Variants in EXPH5 observed in about 807,000 individuals in gnomAD.
EXPH5 encodes the protein exophilin 5, also known as exophilin-5.
A neutral mutation model predicts 41.1 loss-of-function variants in EXPH5; 42 were observed. The ratio of observed to expected loss-of-function variants is 1.02; its 90% CI spans 0.80 to 1.32. The LOEUF is 1.32. EXPH5 is among the 40% of genes most tolerant of loss of function. The pLI, the probability that EXPH5 is intolerant of heterozygous loss-of-function variation, is 0.00. For missense variants in EXPH5, 2,298 were observed against 2,314.5 expected, an observed-to-expected ratio of 0.99 and a Z score of 0.15; for synonymous variants, 798 against 833.5, an observed-to-expected ratio of 0.96 and a Z score of 0.73.
In EXPH5 at chr11:108,555,011, G is replaced by A. The variant is rs568503743; in HGVS notation, c.120-13199C>T. Among the ~76,000 whole-genome samples, 130 of 152,256 alleles carry A rather than the reference G, an allele frequency of 8.5e-4. 3 individuals are homozygous for A. The South Asian group carries it at 0.026, about 30-fold the overall frequency. Reference sequence around the variant, plus strand: ...CAAAAGCATCAGCTATTTGGCAAACGCCCAACAGATCCACTCCCAGATTTC... The same window carrying A: ...CAAAAGCATCAGCTATTTGGCAAACACCCAACAGATCCACTCCCAGATTTC... On this transcript the variant is annotated intron_variant, in intron 1 of 5. Transcript: ENST00000265843.
intron 1 of EXPH5, among the ~76,000 whole-genome samples, chr11:108,551,424 G>A (rs1016262396): frequency 6.6e-6 from 1 of 152,152 alleles, no homozygotes; most frequent in Non-Finnish European, 1.5e-5. Context: ...AATCTCAAAT[G>A]TTTCTCAGAA....
chr11:108,540,911 T>G (rs2093909237), intron 2 of EXPH5, among the ~76,000 whole-genome samples: 1 of 152,132 alleles, frequency 6.6e-6, no homozygotes, highest in African/African-American at 2.4e-5. Flanking sequence ...TCTATTATTT[T>G]TTTTTTATTT....
At chr11:108,534,910 G>A (rs1445168657) in intron 3 of EXPH5, among the ~76,000 whole-genome samples, 2 of 152,224 alleles carry the variant, frequency 1.3e-5, no homozygotes, top group Non-Finnish European at 2.9e-5. Flanking sequence ...GTGGCGTGCT[G>A]CCTGCCTGAC....
At chr11:108,551,789 T>G (rs1454370565) in intron 1 of EXPH5, among the ~76,000 whole-genome samples, 2 of 152,196 alleles carry the variant, frequency 1.3e-5, no homozygotes, top group South Asian at 2.1e-4. Context: ...CTTTGTCCTT[T>G]GATTTGCAGA....
rs776866231 is a variant in EXPH5 at position 108,512,814 on chromosome 11, GGAGCATCAAGGGAAGAA to G, written c.2676_2692del (p.Ser893CysfsTer49). On this transcript the variant is annotated frameshift_variant, in exon 6 of 6. Coordinates refer to ENST00000265843, the MANE Select transcript of EXPH5 (RefSeq NM_015065.3). LOFTEE classifies it low-confidence loss of function (END_TRUNC). Reference sequence around the variant, plus strand: ...GAACACTGTAGTAGATGGAACCACAGGAGCATCAAGGGAAGAATTCTTTGATGGTGAGGAATCTGGTA... The same window carrying G: ...GAACACTGTAGTAGATGGAACCACAGTTCTTTGATGGTGAGGAATCTGGTA... The G allele has an allele frequency of 6.2e-7, 1 of 1,614,152 alleles. No individual in the cohort carries two copies. The highest frequency in any genetic ancestry group is 1.7e-5 in the Admixed American group (1 of 60,018).
At position 108,518,323 on chromosome 11, in the gene EXPH5, T is replaced by C. The variant is rs755061600; in HGVS notation, c.543A>G (p.Thr181=). 3 of 1,614,078 alleles carry C rather than the reference T, an allele frequency of 1.9e-6. No individual in the cohort carries two copies. The highest frequency in any genetic ancestry group is 1.3e-5 in the African/African-American group (1 of 75,054). The part of the protein sequence containing the change: ...SPLENHLVDS[T]FVPKPAVMRE... ...TCATGACTGCTGGCTTTGGGACAAA[T>C]GTACTGTCAACTAGATGATTTTCCA... Residue 181 remains threonine, a synonymous_variant, in exon 5 of 6, where the codon ACA becomes ACG. Transcript: ENST00000265843.
intron 4 of EXPH5, among the ~76,000 whole-genome samples, chr11:108,519,333 C>T (rs1003563189): frequency 2.0e-5 from 3 of 152,106 alleles, no homozygotes; most frequent in Non-Finnish European, 4.4e-5. Flanking sequence ...GGAAAGAAAT[C>T]GACCCCTCTT....
rs1047400174 is a variant in EXPH5, at chr11:108,545,588, G to A, written c.120-3776C>T. On this transcript the variant is annotated intron_variant, in intron 1 of 5. Transcript: ENST00000265843. ...ATTTAAATTCTGCTGGGGTGGGAGTGTGTGTGGGGGGGAAACAATAAAAAA... is the reference window on the plus strand; with the variant it reads ...ATTTAAATTCTGCTGGGGTGGGAGTATGTGTGGGGGGGAAACAATAAAAAA... Among the ~76,000 whole-genome samples the A allele has an allele frequency of 5.9e-5, 9 of 152,146 alleles. No homozygotes were observed. In the East Asian group the frequency reaches 1.7e-3, roughly 29 times the overall value.
chr11:108,579,085 T>A (rs1344169246), intron 1 of EXPH5, among the ~76,000 whole-genome samples: 1 of 152,190 alleles, frequency 6.6e-6, no homozygotes, highest in Non-Finnish European at 1.5e-5. Context: ...TTGTTCCAGA[T>A]CTTAGAGGAA....
chr11:108,578,312 T>C (rs746458201), intron 1 of EXPH5, among the ~76,000 whole-genome samples: 6 of 152,212 alleles, frequency 3.9e-5, no homozygotes, highest in Non-Finnish European at 8.8e-5. Context: ...CATTGTATAT[T>C]CTTGGCACAT....
chr11:108,528,964 A>G (rs1175029679), intron 3 of EXPH5, among the ~76,000 whole-genome samples: 3 of 151,388 alleles, frequency 2.0e-5, no homozygotes, highest in East Asian at 3.9e-4. Context: ...CGGCCTCCTA[A>G]AGTGCTGGGA....
rs112075240 is a variant in EXPH5, at chr11:108,513,880, T to C, written c.1627A>G (p.Arg543Gly). The C allele has an allele frequency of 6.2e-7, 1 of 1,612,478 alleles. No homozygotes were observed. Among genetic ancestry groups the C allele is most frequent in the Admixed American group, 1.7e-5 (1 of 59,828 alleles). ...CAAGGATGTGGCTCTTCTTGGCCTC[T>C]GGAAACATCTGTTCCATAACCAGAA... ...FSSGYGTDVS[R>G]GQEEPHPWQF... Residue 543 changes from arginine to glycine, a missense_variant, in exon 6 of 6, where the codon AGA (arginine) becomes GGA (glycine). Coordinates refer to ENST00000265843, the MANE Select transcript of EXPH5 (RefSeq NM_015065.3).
chr11:108,579,936 G>A (rs992611600), intron 1 of EXPH5, among the ~76,000 whole-genome samples: 2 of 152,012 alleles, frequency 1.3e-5, no homozygotes, highest in African/African-American at 2.4e-5. Context: ...TCTTCCCTTC[G>A]AATTAGAGGA....
At chr11:108,566,519 ATTAATAG>A (rs2136090865) in intron 1 of EXPH5, among the ~76,000 whole-genome samples, 1 of 152,260 alleles carries the variant, frequency 6.6e-6, no homozygotes, top group South Asian at 2.1e-4. Flanking sequence ...ATTATTATCT[ATTAATAG>A]TTTTATTACA....
upstream of EXPH5, among the ~76,000 whole-genome samples, chr11:108,594,855 C>G (rs142059960): frequency 6.6e-6 from 1 of 152,160 alleles, no homozygotes; most frequent in African/African-American, 2.4e-5. Context: ...CTGGGCTACC[C>G]CATTTGATCA....
rs192801524 is a variant in EXPH5 at position 108,588,028 on chromosome 11, C to T, written c.119+5390G>A. Among the ~76,000 whole-genome samples, 303 of 152,338 alleles carry T rather than the reference C, an allele frequency of 2.0e-3. 1 individual carries two copies. Among genetic ancestry groups the T allele is most frequent in the African/African-American group, 6.8e-3 (282 of 41,572 alleles). ...TCAGCCTCCCAAAGTGCTGGGATTA[C>T]AGGCGTGAGCCACAGCACCTGGCCC... On this transcript the variant is annotated intron_variant, in intron 1 of 5. Transcript: ENST00000265843.
chr11:108,518,406 C>T, intron 4 of EXPH5, 33 bp from the exon 5 acceptor site: 6 of 1,606,088 alleles, frequency 3.7e-6, no homozygotes, highest in Non-Finnish European at 5.1e-6. Flanking sequence ...AATATTATTT[C>T]TGAGCCTTCA....
chr11:108,603,553 T>G, the EXPH5 span, among the ~76,000 whole-genome samples: 1 of 152,184 alleles, frequency 6.6e-6, no homozygotes, highest in Non-Finnish European at 1.5e-5. Flanking sequence ...ACTATTTTTG[T>G]CCATGTTGAT....
upstream of EXPH5, among the ~76,000 whole-genome samples, chr11:108,598,506 A>G (rs2094141772): frequency 7.1e-6 from 1 of 141,560 alleles, no homozygotes; most frequent in African/African-American, 2.5e-5. Flanking sequence ...AAGATTTACC[A>G]CGTGTGATAA....
Sources: allele counts gnomAD v4.1 joint callset (sites outside exome capture counted in the v4.1 genomes callset), GRCh38; gene constraint gnomAD v4.1.1; transcripts MANE v1.5; gene names NCBI Gene and HGNC (gene_info 2026-07-23, HGNC 2026-07-21).